KCNK2: variants seen among roughly 807,000 people sequenced by gnomAD.
The protein encoded by KCNK2 is potassium channel subfamily K member 2.
KCNK2 carries 21 observed loss-of-function variants against 40.5 expected under a neutral mutation model. The ratio of observed to expected loss-of-function variants is 0.52; its 90% CI spans 0.37 to 0.75. KCNK2 has a LOEUF of 0.75. Among genes scored for constraint, KCNK2 ranks in the 30% least tolerant of loss-of-function variants. The pLI, the probability that KCNK2 is intolerant of heterozygous loss-of-function variation, is 0.00. For missense variants in KCNK2, 399 were observed against 531.6 expected, an observed-to-expected ratio of 0.75 and a Z score of 2.45; for synonymous variants, 191 against 202.2, an observed-to-expected ratio of 0.94 and a Z score of 0.47.
At chr1:215,052,906 G>A (rs1482635786) in intron 1 of KCNK2, among the ~76,000 whole-genome samples, 1 of 152,084 alleles carries the variant, frequency 6.6e-6, no homozygotes, top group East Asian at 1.9e-4. Flanking sequence ...TTGAGTTTTT[G>A]CCAGAGTACC....
chr1:215,068,223 G>A (rs1186733181), intron 1 of KCNK2, among the ~76,000 whole-genome samples: 1 of 152,050 alleles, frequency 6.6e-6, no homozygotes, highest in Non-Finnish European at 1.5e-5. Context: ...TATGTGTTAT[G>A]AGAACATAGT....
At chr1:215,194,036 C>T (rs1664770241) in intron 5 of KCNK2, among the ~76,000 whole-genome samples, 1 of 151,978 alleles carries the variant, frequency 6.6e-6, no homozygotes, top group South Asian at 2.1e-4. Flanking sequence ...ATGCAATATA[C>T]CCCATTGAGG....
At chr1:215,151,008 ATG>A (rs1662665423) in intron 3 of KCNK2, among the ~76,000 whole-genome samples, 1 of 152,058 alleles carries the variant, frequency 6.6e-6, no homozygotes, top group Admixed American at 6.6e-5. Context: ...ATTCTTTGTC[ATG>A]ATAAAATAAT....
At chr1:215,009,424 C>G (rs1374048909) in intron 1 of KCNK2, among the ~76,000 whole-genome samples, 1 of 152,084 alleles carries the variant, frequency 6.6e-6, no homozygotes, top group Non-Finnish European at 1.5e-5. Flanking sequence ...GATATAGTGC[C>G]ATTTTCTTTA....
intron 1 of KCNK2, among the ~76,000 whole-genome samples, chr1:215,051,352 G>A (rs1657983558): frequency 1.3e-5 from 2 of 152,132 alleles, no homozygotes; most frequent in Non-Finnish European, 2.9e-5. Flanking sequence ...AAATATTTGA[G>A]GGTTTCATTA....
intron 1 of KCNK2, among the ~76,000 whole-genome samples, chr1:215,076,622 G>T (rs1045158893): frequency 6.6e-6 from 1 of 152,170 alleles, no homozygotes; most frequent in African/African-American, 2.4e-5. Flanking sequence ...GCACAAAGGA[G>T]AAACCCCAGA....
In KCNK2 at chr1:215,083,207, C is replaced by A; in HGVS notation, c.-179C>A. On this transcript the variant is annotated 5_prime_UTR_variant, in exon 1 of 7. Transcript: ENST00000444842. The stretch of plus-strand genomic sequence containing the variant: ...TTCTTCTCACGCTCCCCCCCCCGCC[C>A]CCTCCCGCGTCCAGCCCCGCTCTCC... 5.7e-6 allele frequency: 6 copies of A among 1,058,662 alleles called. No individual in the cohort carries two copies. The highest frequency in any genetic ancestry group is 3.1e-5 in the East Asian group (1 of 31,960). 65.6% of individuals were successfully genotyped at this position (1,058,662 alleles called of 1,614,324 possible).
intron 3 of KCNK2, among the ~76,000 whole-genome samples, chr1:215,152,466 A>C (rs537836380): frequency 6.6e-5 from 10 of 152,260 alleles, no homozygotes; most frequent in African/African-American, 2.4e-4. Context: ...TCTCATATGC[A>C]TGCTGTCTTC....
intron 6 of KCNK2, among the ~76,000 whole-genome samples, chr1:215,234,015 A>C (rs976429656): frequency 2.4e-4 from 37 of 152,280 alleles, no homozygotes; most frequent in African/African-American, 6.7e-4. Flanking sequence ...GCAGTTTGTA[A>C]AGTTCATTAG....
At chr1:215,113,465 ATCTGATTCC>A (rs1310571648) in intron 2 of KCNK2, among the ~76,000 whole-genome samples, 3 of 152,198 alleles carry the variant, frequency 2.0e-5, no homozygotes, top group African/African-American at 4.8e-5. Context: ...ATAAGTATGT[ATCTGATTCC>A]TCTTAAGTAA....
At chr1:215,046,088 A>T (rs17024148) in intron 1 of KCNK2, among the ~76,000 whole-genome samples, 46,681 of 152,060 alleles carry the variant, frequency 0.31, 8,485 homozygotes, top group South Asian at 0.69. Context: ...GGAGTGATTT[A>T]CACATATTTA....
At chr1:215,058,370 G>A (rs778613173) in intron 1 of KCNK2, among the ~76,000 whole-genome samples, 3 of 152,184 alleles carry the variant, frequency 2.0e-5, no homozygotes, top group Non-Finnish European at 4.4e-5. Context: ...CATTAGTTAT[G>A]CAGATTGGAG....
At chr1:215,183,741 G>A (rs1056527016) in intron 5 of KCNK2, among the ~76,000 whole-genome samples, 1 of 152,188 alleles carries the variant, frequency 6.6e-6, no homozygotes, top group African/African-American at 2.4e-5. Flanking sequence ...GAGTAGGAAT[G>A]TGTTATTAAA....
intron 1 of KCNK2, among the ~76,000 whole-genome samples, chr1:215,064,896 C>G (rs1217010731): frequency 6.6e-6 from 1 of 151,996 alleles, no homozygotes; most frequent in Non-Finnish European, 1.5e-5. Context: ...CTTATATGCC[C>G]TCTTTATTTC....
intron 5 of KCNK2, among the ~76,000 whole-genome samples, chr1:215,190,228 G>C (rs1158478100): frequency 6.6e-6 from 1 of 152,146 alleles, no homozygotes; most frequent in Non-Finnish European, 1.5e-5. Context: ...CGATGGCTGG[G>C]AACGCTGGAG....
At chr1:215,035,873 A>G (rs1657365803) in intron 1 of KCNK2, among the ~76,000 whole-genome samples, 1 of 151,782 alleles carries the variant, frequency 6.6e-6, no homozygotes, top group African/African-American at 2.4e-5. Context: ...GAGAGTTTCT[A>G]TTGCTCTGCA....
At chr1:215,026,216 T>A (rs1571855155) in intron 1 of KCNK2, among the ~76,000 whole-genome samples, 1 of 152,178 alleles carries the variant, frequency 6.6e-6, no homozygotes, top group Admixed American at 6.5e-5. Context: ...TCTTATCAAT[T>A]TTTAAAGCTC....
At chr1:215,190,319 G>C (rs1294099192) in intron 5 of KCNK2, among the ~76,000 whole-genome samples, 1 of 152,132 alleles carries the variant, frequency 6.6e-6, no homozygotes, top group Non-Finnish European at 1.5e-5. Flanking sequence ...TGAGAACCTT[G>C]AGGAGAAGAG....
intron 2 of KCNK2, among the ~76,000 whole-genome samples, chr1:215,117,557 G>A (rs1043232743): frequency 1.3e-5 from 2 of 152,068 alleles, no homozygotes; most frequent in African/African-American, 4.8e-5. Context: ...CAAAACACAA[G>A]TACTATTCTT....
Sources: allele counts gnomAD v4.1 joint callset (sites outside exome capture counted in the v4.1 genomes callset), GRCh38; gene constraint gnomAD v4.1.1; transcripts MANE v1.5; gene names NCBI Gene and HGNC (gene_info 2026-07-23, HGNC 2026-07-21).